DCBLD2: variants seen among roughly 807,000 people sequenced by gnomAD.
DCBLD2 encodes the protein discoidin, CUB and LCCL domain-containing protein 2.
DCBLD2 carries 54 observed loss-of-function variants against 86.8 expected under a neutral mutation model. The ratio of observed to expected loss-of-function variants is 0.62; its 90% CI spans 0.50 to 0.78. The LOEUF (loss-of-function observed/expected upper bound fraction) is 0.78, where lower values mean the gene tolerates loss of function less well. Among genes scored for constraint, DCBLD2 ranks in the 30% least tolerant of loss-of-function variants. The pLI, the probability that DCBLD2 is intolerant of heterozygous loss-of-function variation, is 0.00. For synonymous variants in DCBLD2, 354 were observed against 341.3 expected, an observed-to-expected ratio of 1.04 and a Z score of -0.41; for missense variants, 908 against 954.2, an observed-to-expected ratio of 0.95 and a Z score of 0.64.
chr3:98,883,246 A>C (rs991342089), intron 1 of DCBLD2, among the ~76,000 whole-genome samples: 3 of 152,138 alleles, frequency 2.0e-5, no homozygotes, highest in African/African-American at 4.8e-5. Flanking sequence ...TAAAAACACT[A>C]TGTACGAAAG....
In DCBLD2 at chr3:98,797,249, T is replaced by C. The variant is rs1941623350; in HGVS notation, c.*2123A>G. The C allele has an allele frequency of 6.7e-6, 1 of 150,374 alleles. No individual in the cohort carries two copies. Among genetic ancestry groups the C allele is most frequent in the South Asian group, 2.1e-4 (1 of 4,804 alleles). The allele number at this position is 150,374 out of a possible 1,614,324, so 9.3% of individuals were successfully genotyped here. A position where few individuals can be genotyped will look rare whatever the true frequency, so the allele number is the denominator to read the frequency against. On this transcript the variant is annotated 3_prime_UTR_variant, in exon 16 of 16. Transcript: ENST00000326840. ...TATGAATCGAGTCTTAAAATATGCA[T>C]CATTTCAGAAAACACTTGCCCCTCT...
intron 4 of DCBLD2, among the ~76,000 whole-genome samples, chr3:98,823,854 G>C (rs828620): frequency 0.97 from 147,963 of 152,284 alleles, 72,044 homozygotes; most frequent in East Asian, 1. Flanking sequence ...AGCAAATGGG[G>C]TCTGGAGTCC....
chr3:98,867,940 C>G (rs1178183303), intron 2 of DCBLD2, among the ~76,000 whole-genome samples: 1 of 151,974 alleles, frequency 6.6e-6, no homozygotes, highest in Non-Finnish European at 1.5e-5. Context: ...ATAGCTGGGA[C>G]TACAGGTGCC....
rs1418029937 is a variant in DCBLD2, at chr3:98,852,040, A to C, written c.434-2442T>G. On this transcript the variant is annotated intron_variant, in intron 2 of 15. Coordinates refer to ENST00000326840, the MANE Select transcript of DCBLD2 (RefSeq NM_080927.4). Reference sequence around the variant, plus strand: ...GGCATGGGCCAAGACTGCATGACTAAAACACCAAAAACAATGGCAACAAAA... The same window carrying C: ...GGCATGGGCCAAGACTGCATGACTACAACACCAAAAACAATGGCAACAAAA... Among the ~76,000 whole-genome samples, 3 of 152,226 alleles carry C rather than the reference A, an allele frequency of 2.0e-5. No homozygotes were observed. In the East Asian group the frequency reaches 5.8e-4, roughly 29 times the overall value.
At chr3:98,804,562 T>C (rs1941794656) in intron 13 of DCBLD2, among the ~76,000 whole-genome samples, 1 of 152,246 alleles carries the variant, frequency 6.6e-6, no homozygotes, top group Non-Finnish European at 1.5e-5. Flanking sequence ...TGCTCTGATC[T>C]TAGTTATTTC....
intron 3 of DCBLD2, among the ~76,000 whole-genome samples, chr3:98,831,131 G>T (rs1942313144): frequency 6.6e-6 from 1 of 151,388 alleles, no homozygotes; most frequent in Admixed American, 6.6e-5. Flanking sequence ...CAGTGCAGTG[G>T]TGTGATCTTG....
chr3:98,876,192 A>G (rs1943365102), intron 2 of DCBLD2, among the ~76,000 whole-genome samples: 1 of 151,896 alleles, frequency 6.6e-6, no homozygotes, highest in African/African-American at 2.4e-5. Context: ...CCTAAAAGAT[A>G]ATGAGAAGTC....
chr3:98,803,916 G>A (rs1941778890), intron 13 of DCBLD2, among the ~76,000 whole-genome samples: 1 of 152,188 alleles, frequency 6.6e-6, no homozygotes, highest in African/African-American at 2.4e-5. Flanking sequence ...CAGTGGATAA[G>A]CTTTTTGACG....
intron 2 of DCBLD2, among the ~76,000 whole-genome samples, chr3:98,854,944 C>T (rs1288611806): frequency 6.6e-6 from 1 of 151,990 alleles, no homozygotes; most frequent in Non-Finnish European, 1.5e-5. Flanking sequence ...TAGAACTGGG[C>T]AAAAATTTCT....
At chr3:98,839,168 T>TC (rs1209382774) in intron 3 of DCBLD2, among the ~76,000 whole-genome samples, 1 of 58,890 alleles carries the variant, frequency 1.7e-5, no homozygotes, top group Admixed American at 2.7e-4. Flanking sequence ...TCTTTCTTTC[T>TC]TTCCTTTCTT....
intron 3 of DCBLD2, among the ~76,000 whole-genome samples, chr3:98,840,055 G>A (rs1009219984): frequency 1.7e-4 from 26 of 152,198 alleles, no homozygotes; most frequent in African/African-American, 6.3e-4. Flanking sequence ...GTAATGGGAA[G>A]CTGAATGCTA....
intron 2 of DCBLD2, among the ~76,000 whole-genome samples, chr3:98,879,005 C>A (rs544082754): frequency 5.9e-5 from 9 of 152,192 alleles, no homozygotes; most frequent in African/African-American, 2.2e-4. Context: ...ATTCAGCGAG[C>A]AATTTGAAAC....
intron 9 of DCBLD2, chr3:98,813,772 A>G (rs1941979620): frequency 6.6e-6 from 1 of 152,208 alleles, no homozygotes; most frequent in Non-Finnish European, 1.5e-5. Context: ...AACTACTTCA[A>G]GCAAATAATG....
chr3:98,820,505 A>G (rs114007798), intron 6 of DCBLD2, among the ~76,000 whole-genome samples: 262 of 152,306 alleles, frequency 1.7e-3, no homozygotes, highest in Admixed American at 6.5e-3. Flanking sequence ...TTTCTCTACA[A>G]GTATCTAGCA....
Position 98,808,093 on chromosome 3 carries a change from T to C in DCBLD2, c.1658A>G (p.His553Arg). Residue 553 changes from histidine (H) to arginine (R), a missense_variant, in exon 13 of 16, where the codon CAC becomes CGC. Transcript: ENST00000326840. ...TLILILVCAW[H>R]WRNRKKKTEG... Reference sequence around the variant, plus strand: ...GTTATGTACTAACCTGTTTCTCCAGTGCCAAGCACACACTAATATGAGAAT... The same window carrying C: ...GTTATGTACTAACCTGTTTCTCCAGCGCCAAGCACACACTAATATGAGAAT... The C allele has an allele frequency of 6.3e-7, 1 of 1,596,614 alleles. No individual in the cohort carries two copies. Among genetic ancestry groups the C allele is most frequent in the Non-Finnish European group, 8.5e-7 (1 of 1,172,390 alleles).
intron 13 of DCBLD2, among the ~76,000 whole-genome samples, chr3:98,806,218 C>A (rs1941835975): frequency 1.3e-5 from 2 of 152,106 alleles, no homozygotes; most frequent in Admixed American, 1.3e-4. Context: ...AAGCTTGTTA[C>A]ACTATGCATT....
intron 2 of DCBLD2, among the ~76,000 whole-genome samples, chr3:98,864,858 A>G (rs1386375348): frequency 1.3e-5 from 2 of 152,198 alleles, no homozygotes; most frequent in Non-Finnish European, 2.9e-5. Context: ...AATAATAAAA[A>G]AAGAAAAAAT....
At chr3:98,858,797 C>A (rs973481783) in intron 2 of DCBLD2, among the ~76,000 whole-genome samples, 1 of 152,122 alleles carries the variant, frequency 6.6e-6, no homozygotes, top group African/African-American at 2.4e-5. Context: ...AAATAGCCAA[C>A]AGATATATGA....
intron 2 of DCBLD2, among the ~76,000 whole-genome samples, chr3:98,867,706 C>T (rs1943179078): frequency 6.6e-6 from 1 of 151,922 alleles, no homozygotes; most frequent in African/African-American, 2.4e-5. Flanking sequence ...CAGGAGAGTT[C>T]AATTGTCATC....
Sources: allele counts gnomAD v4.1 joint callset (sites outside exome capture counted in the v4.1 genomes callset), GRCh38; gene constraint gnomAD v4.1.1; transcripts MANE v1.5; gene names NCBI Gene and HGNC (gene_info 2026-07-23, HGNC 2026-07-21).